AKIRIN2: variants seen among roughly 807,000 people sequenced by gnomAD.
AKIRIN2 encodes akirin 2, also known as akirin-2.
A neutral mutation model predicts 29.3 loss-of-function variants in AKIRIN2; 6 were observed. The ratio of observed to expected loss-of-function variants is 0.20; its 90% CI spans 0.11 to 0.40. The LOEUF (loss-of-function observed/expected upper bound fraction) is 0.40. AKIRIN2 is among the 10% of genes least tolerant of loss of function. AKIRIN2 has a pLI of 1.00. For missense variants in AKIRIN2, 210 were observed against 276.1 expected (o/e 0.76, Z 1.70); for synonymous variants, 128 against 117.5 (o/e 1.09, Z -0.58).
intron 1 of AKIRIN2, among the ~76,000 whole-genome samples, chr6:87,695,825 T>G (rs1162579925): frequency 6.6e-6 from 1 of 152,204 alleles, no homozygotes; most frequent in African/African-American, 2.4e-5. Flanking sequence ...GCTTTTATTC[T>G]CAATCTTTCA....
chr6:87,675,717 T>C, intron 4 of AKIRIN2, 110 bp from the exon 5 acceptor site: 2 of 1,474,920 alleles, frequency 1.4e-6, no homozygotes, highest in Non-Finnish European at 1.9e-6. Flanking sequence ...CCAAAAGACT[T>C]GCAAAGTTAT....
intron 1 of AKIRIN2, among the ~76,000 whole-genome samples, chr6:87,690,206 C>CAA (rs36001292): frequency 0.039 from 4,496 of 115,068 alleles, 86 homozygotes; most frequent in Middle Eastern, 0.066. Flanking sequence ...AACTCCATCT[C>CAA]AAAAAAAAAA....
Position 87,681,743 on chromosome 6 carries a change from T to C in AKIRIN2, c.256A>G (p.Lys86Glu). 6.2e-7 allele frequency: 1 copy of C among 1,602,268 alleles called. No individual in the cohort carries two copies. Among genetic ancestry groups the C allele is most frequent in the Non-Finnish European group, 8.5e-7 (1 of 1,175,306 alleles). ...TTCTGCATTCGTTTATACTCTTGTT[T>C]TATGTTGTACAGAATTTGTTCTAAA... Reference protein sequence around the residue: ...LTTEQILYNIKQEYKRMQKRR... With the variant: ...LTTEQILYNIEQEYKRMQKRR... Residue 86 changes from lysine (K) to glutamate (E), a missense_variant, in exon 2 of 5, where the codon AAA becomes GAA. By Grantham distance (56) the Lys-to-Glu change is moderately conservative. Coordinates refer to ENST00000257787, the MANE Select transcript of AKIRIN2 (RefSeq NM_018064.4).
At chr6:87,685,020 T>A (rs1771166936) in intron 1 of AKIRIN2, among the ~76,000 whole-genome samples, 1 of 152,250 alleles carries the variant, frequency 6.6e-6, no homozygotes, top group South Asian at 2.1e-4. Flanking sequence ...CTGTTCCACA[T>A]CCTTGCCAAC....
intron 1 of AKIRIN2, among the ~76,000 whole-genome samples, chr6:87,685,299 A>G (rs532192144): frequency 2.0e-5 from 3 of 152,352 alleles, no homozygotes; most frequent in East Asian, 3.9e-4. Flanking sequence ...CTTGAAGCTG[A>G]TAACTCAAGA....
At chr6:87,678,425 C>G (rs564794823) in intron 2 of AKIRIN2, among the ~76,000 whole-genome samples, 5 of 151,442 alleles carry the variant, frequency 3.3e-5, no homozygotes, top group African/African-American at 1.2e-4. Flanking sequence ...TCACTTGAAC[C>G]CGGGAGGCGG....
chr6:87,677,231 C>A (rs1771029791), intron 3 of AKIRIN2, among the ~76,000 whole-genome samples: 1 of 152,104 alleles, frequency 6.6e-6, no homozygotes, highest in Non-Finnish European at 1.5e-5. Flanking sequence ...AAAACCTGAT[C>A]AAGTATCACA....
chr6:87,701,002 C>T (rs1170785354), intron 1 of AKIRIN2, among the ~76,000 whole-genome samples: 2 of 145,796 alleles, frequency 1.4e-5, no homozygotes, highest in East Asian at 2.0e-4. Flanking sequence ...GTAGCCTCGC[C>T]TCAAACCACC....
intron 2 of AKIRIN2, among the ~76,000 whole-genome samples, chr6:87,679,475 G>A (rs1166807038): frequency 1.3e-5 from 2 of 152,144 alleles, no homozygotes; most frequent in Non-Finnish European, 2.9e-5. Flanking sequence ...TCCAGCCTGG[G>A]CAACGGAGTG....
At chr6:87,676,260 C>G (rs913588208) in intron 3 of AKIRIN2, among the ~76,000 whole-genome samples, 2 of 150,338 alleles carry the variant, frequency 1.3e-5, no homozygotes, top group Non-Finnish European at 3.0e-5. Flanking sequence ...GTCAGAAGAT[C>G]GAGACCATCC....
chr6:87,683,068 T>G (rs1364458988), intron 1 of AKIRIN2, among the ~76,000 whole-genome samples: 1 of 152,230 alleles, frequency 6.6e-6, no homozygotes, highest in African/African-American at 2.4e-5. Flanking sequence ...AGAAGAACTT[T>G]TAGAATTTTT....
Position 87,701,945 on chromosome 6 carries a change from G to C in AKIRIN2, c.-261C>G, listed in dbSNP as rs1381004419. 2.5e-6 allele frequency: 1 copy of C among 405,478 alleles called. No homozygotes were observed. Among genetic ancestry groups the C allele is most frequent in the Non-Finnish European group, 4.4e-6 (1 of 229,738 alleles). 25.1% of individuals were successfully genotyped at this position (405,478 alleles called of 1,614,324 possible). On this transcript the variant is annotated 5_prime_UTR_variant, in exon 1 of 5. Coordinates refer to ENST00000257787, the MANE Select transcript of AKIRIN2 (RefSeq NM_018064.4). ...CAGAAGCACACGCCAGTCGCGTCAG[G>C]GGGGTTCTTCCGCCTCCTCAGGCGC... is the stretch of plus-strand genomic sequence containing the variant.
At chr6:87,692,177 T>C (rs929311245) in intron 1 of AKIRIN2, among the ~76,000 whole-genome samples, 1 of 152,206 alleles carries the variant, frequency 6.6e-6, no homozygotes, top group East Asian at 1.9e-4. Flanking sequence ...TGTGATTTGA[T>C]GGCAACTCTT....
intron 1 of AKIRIN2, among the ~76,000 whole-genome samples, chr6:87,683,802 A>C (rs1771150511): frequency 6.6e-6 from 1 of 152,070 alleles, no homozygotes; most frequent in African/African-American, 2.4e-5. Context: ...TATAGGCTCG[A>C]GCCACCATGC....
rs947958170 is a variant in AKIRIN2, at chr6:87,675,883, C to T, written c.578G>A (p.Arg193Gln). Residue 193 changes from arginine to glutamine, a missense_variant, in exon 4 of 5, where the codon CGA becomes CAA. Physicochemically the swap from Arg to Gln is conservative, Grantham distance 43. This residue lies in a region of AKIRIN2 where 11 missense variants were observed against 39.6 expected (regional missense o/e 0.28). Transcript: ENST00000257787. ...VKFTHDQIMR[R>Q]YGEQPASYVS ...ACAGCTAGCAGGCTGTTCTCCATAT[C>T]GTCGCATTATTTGATCATGCGTAAA... is the stretch of plus-strand genomic sequence containing the variant. The T allele has an allele frequency of 3.1e-6, 5 of 1,613,746 alleles. No homozygotes were observed. The highest frequency in any genetic ancestry group is 3.4e-6 in the Non-Finnish European group (4 of 1,179,914).
intron 3 of AKIRIN2, among the ~76,000 whole-genome samples, chr6:87,676,852 A>G (rs1021056954): frequency 2.6e-5 from 4 of 151,360 alleles, no homozygotes; most frequent in East Asian, 1.9e-4. Flanking sequence ...CAAGGCGGGC[A>G]GATCACGAGG....
chr6:87,683,367 G>A (rs1384673359), intron 1 of AKIRIN2, among the ~76,000 whole-genome samples: 1 of 152,128 alleles, frequency 6.6e-6, no homozygotes, highest in Non-Finnish European at 1.5e-5. Flanking sequence ...GTTTAATACG[G>A]GTTATGCTCA....
In AKIRIN2 at chr6:87,675,878, C is replaced by T. The variant is rs758459505; in HGVS notation, c.583G>A (p.Gly195Arg). Residue 195 changes from glycine (G) to arginine (R), a missense_variant, in exon 4 of 5, where the codon GGA (glycine) becomes AGA (arginine). Coordinates refer to ENST00000257787, the MANE Select transcript of AKIRIN2 (RefSeq NM_018064.4). ...TACTTACAGCTAGCAGGCTGTTCTC[C>T]ATATCGTCGCATTATTTGATCATGC... The part of the protein sequence containing the change: ...FTHDQIMRRY[G>R]EQPASYVS The T allele has an allele frequency of 3.1e-6, 5 of 1,613,746 alleles. No homozygotes were observed. Among genetic ancestry groups the T allele is most frequent in the Non-Finnish European group, 4.2e-6 (5 of 1,179,888 alleles).
chr6:87,697,298 T>C (rs932944764), intron 1 of AKIRIN2, among the ~76,000 whole-genome samples: 32 of 149,316 alleles, frequency 2.1e-4, no homozygotes, highest in Non-Finnish European at 2.7e-4. Context: ...GAGTAAGACT[T>C]TGTCTCAAGA....
Sources: gnomAD v4.1 joint callset for allele counts (sites outside exome capture counted in the v4.1 genomes callset) on GRCh38, gnomAD v4.1.1 for gene constraint, gnomAD v4.1.1 regional missense constraint, MANE v1.5 for transcripts, NCBI Gene and HGNC (gene_info 2026-07-23, HGNC 2026-07-21) for gene names.